Variants in WWTR1 observed in about 807,000 individuals in gnomAD.
WWTR1 encodes the protein WW domain containing transcription regulator 1, also known as WW domain-containing transcription regulator protein 1.
In WWTR1, 13 loss-of-function variants were observed where a neutral mutation model predicts 40.1. The observed-to-expected ratio is 0.32, with a 90% CI of 0.21 to 0.52. The LOEUF is 0.52. Ranked by LOEUF, WWTR1 falls within the 20% of genes least tolerant of loss-of-function variation. The pLI is 0.97. For missense variants in WWTR1, 436 were observed against 523.1 expected (o/e 0.83, Z 1.63); for synonymous variants, 230 against 210.1 (o/e 1.09, Z -0.82).
intron 2 of WWTR1, among the ~76,000 whole-genome samples, chr3:149,667,372 C>A (rs1713878174): frequency 6.6e-6 from 1 of 151,832 alleles, no homozygotes; most frequent in South Asian, 2.1e-4. Flanking sequence ...ATGGTGAAAT[C>A]CCGTCTCTAC....
chr3:149,572,564 G>A (rs1387547798), intron 3 of WWTR1, among the ~76,000 whole-genome samples: 1 of 152,136 alleles, frequency 6.6e-6, no homozygotes, highest in Non-Finnish European at 1.5e-5. Flanking sequence ...GGGTAACACG[G>A]TATTGCAGCC....
intron 4 of WWTR1, among the ~76,000 whole-genome samples, chr3:149,538,634 C>T (rs1330709392): frequency 6.6e-6 from 1 of 152,200 alleles, no homozygotes; most frequent in Non-Finnish European, 1.5e-5. Flanking sequence ...GATACCAAAC[C>T]TTACTGGCTC....
chr3:149,631,923 T>C (rs552452976), intron 2 of WWTR1, among the ~76,000 whole-genome samples: 3 of 151,768 alleles, frequency 2.0e-5, no homozygotes, highest in African/African-American at 7.2e-5. Flanking sequence ...AAGCACTTTA[T>C]TTATTTATTC....
chr3:149,549,855 A>AAAAAC (rs373961886), intron 3 of WWTR1, among the ~76,000 whole-genome samples: 7 of 152,122 alleles, frequency 4.6e-5, no homozygotes, highest in African/African-American at 1.2e-4. Context: ...ACAAAAAACA[A>AAAAAC]AAAACAAAAC....
chr3:149,677,937 A>ATT (rs34388497), intron 1 of WWTR1, among the ~76,000 whole-genome samples: 6,304 of 142,808 alleles, frequency 0.044, 264 homozygotes, highest in East Asian at 0.13. Context: ...TAATTTTTGT[A>ATT]TTTTTTTTTT....
At chr3:149,678,847 A>C (rs1269392205) in intron 1 of WWTR1, among the ~76,000 whole-genome samples, 1 of 124,626 alleles carries the variant, frequency 8.0e-6, no homozygotes. Flanking sequence ...TTTTTGATGG[A>C]GTTTCGCTCT....
upstream of WWTR1, chr3:149,659,367 T>C (rs1328995771): frequency 8.4e-6 from 1 of 119,576 alleles, no homozygotes; most frequent in Non-Finnish European, 1.8e-5. Flanking sequence ...CGTCTCCCTC[T>C]TGTCCCCCAG....
intron 5 of WWTR1, among the ~76,000 whole-genome samples, chr3:149,714,583 C>A (rs1051273048): frequency 3.3e-5 from 5 of 152,234 alleles, no homozygotes; most frequent in African/African-American, 1.2e-4. Context: ...GGAGGGAGAC[C>A]AGGGGGTGCT....
chr3:149,613,094 T>C (rs111823762), intron 2 of WWTR1, among the ~76,000 whole-genome samples: 1 of 152,098 alleles, frequency 6.6e-6, no homozygotes, highest in East Asian at 1.9e-4. Context: ...TTTTTATACT[T>C]TCAGGATCAT....
At chr3:149,525,364 A>G (rs1468839695) in intron 6 of WWTR1, among the ~76,000 whole-genome samples, 1 of 152,154 alleles carries the variant, frequency 6.6e-6, no homozygotes, top group Non-Finnish European at 1.5e-5. Flanking sequence ...AACAGCATAA[A>G]TACCCCAATG....
rs1008879538 is a variant in WWTR1, at chr3:149,651,527, T to C, written c.431+5349A>G. 4.6e-5 allele frequency among the ~76,000 whole-genome samples: 7 copies of C among 152,212 alleles called. No individual in the cohort carries two copies. In the Middle Eastern group the frequency reaches 0.01, roughly 222 times the overall value. ...TTGAGAGCCTAGAAAACTTTTGAGATCATAATAATGGCAAATAATGCATGA... is the reference window on the plus strand; with the variant it reads ...TTGAGAGCCTAGAAAACTTTTGAGACCATAATAATGGCAAATAATGCATGA... On this transcript the variant is annotated intron_variant, in intron 2 of 6. Coordinates refer to ENST00000360632, the MANE Select transcript of WWTR1 (RefSeq NM_015472.6).
rs201649223 is a variant in WWTR1 at position 149,700,880 on chromosome 3, G to A, written c.-108+2244C>T. On this transcript the variant is annotated intron_variant, in intron 1 of 7. Transcript: ENST00000465804. ...CATTTAACAAAGGTGAGTTTTCTTCGTAGGTAACAAGCCCAATACAACTGG... is the reference window on the plus strand; with the variant it reads ...CATTTAACAAAGGTGAGTTTTCTTCATAGGTAACAAGCCCAATACAACTGG... 1.4e-4 allele frequency among the ~76,000 whole-genome samples: 21 copies of A among 152,284 alleles called. No homozygotes were observed. The South Asian group carries it at 2.7e-3, about 20-fold the overall frequency.
intron 2 of WWTR1, among the ~76,000 whole-genome samples, chr3:149,642,790 A>C (rs988828975): frequency 6.6e-6 from 1 of 151,920 alleles, no homozygotes; most frequent in East Asian, 1.9e-4. Flanking sequence ...AAAAAAAAAA[A>C]GAAATCCTTA....
chr3:149,625,111 T>G (rs1488272118), intron 2 of WWTR1, among the ~76,000 whole-genome samples: 146 of 149,654 alleles, frequency 9.8e-4, no homozygotes, highest in African/African-American at 3.5e-3. Context: ...TTTTTTTTTT[T>G]TTTTTTTTTG....
chr3:149,719,419 CCTCGG>C (rs1715702497), intron 4 of WWTR1, among the ~76,000 whole-genome samples: 1 of 152,134 alleles, frequency 6.6e-6, no homozygotes, highest in Non-Finnish European at 1.5e-5. Context: ...GATCCACCTG[CCTCGG>C]CTTCCCAAAG....
intron 3 of WWTR1, among the ~76,000 whole-genome samples, chr3:149,559,903 C>A (rs1737011648): frequency 6.6e-6 from 1 of 152,198 alleles, no homozygotes; most frequent in Admixed American, 6.6e-5. Flanking sequence ...CCTAGGAAGA[C>A]AGGACAAAGA....
Position 149,665,859 on chromosome 3 carries a change from C to T in WWTR1, c.-4+3929G>A, listed in dbSNP as rs954215701. On this transcript the variant is annotated intron_variant, in intron 2 of 7. Transcript: ENST00000465804. ...AACATGATAACACTGAATCATCACT[C>T]TCAGAAGTACAAACCATATTATTAG... 4.6e-5 allele frequency among the ~76,000 whole-genome samples: 7 copies of T among 152,224 alleles called. No individual in the cohort carries two copies. The East Asian group carries it at 9.6e-4, about 21-fold the overall frequency.
intron 2 of WWTR1, among the ~76,000 whole-genome samples, chr3:149,599,454 T>C (rs1220382186): frequency 6.6e-6 from 1 of 152,234 alleles, no homozygotes; most frequent in Non-Finnish European, 1.5e-5. Context: ...CAAAAACAGA[T>C]GAAAAGCAGG....
chr3:149,596,545 A>G (rs1434638945), intron 2 of WWTR1, among the ~76,000 whole-genome samples: 1 of 152,112 alleles, frequency 6.6e-6, no homozygotes, highest in African/African-American at 2.4e-5. Context: ...GGATTTGAAT[A>G]CACAAGGCAA....
Sources: gnomAD v4.1 joint callset for allele counts (sites outside exome capture counted in the v4.1 genomes callset) on GRCh38, gnomAD v4.1.1 for gene constraint, MANE v1.5 for transcripts, NCBI Gene and HGNC (gene_info 2026-07-23, HGNC 2026-07-21) for gene names.